Variants in ACTN1 observed in about 807,000 individuals in gnomAD.
ACTN1 encodes the protein actinin alpha 1, also known as alpha-actinin-1.
A neutral mutation model predicts 119.6 loss-of-function variants in ACTN1; 30 were observed. That is an observed-to-expected ratio of 0.25 (90% CI 0.19 to 0.34). The LOEUF (loss-of-function observed/expected upper bound fraction) is 0.34. Ranked by LOEUF, ACTN1 falls within the 10% of genes least tolerant of loss-of-function variation. The pLI is 1.00. For missense variants in ACTN1, 764 were observed against 1,223.4 expected (o/e 0.62, Z 5.60); for synonymous variants, 429 against 472.6 (o/e 0.91, Z 1.20).
intron 6 of ACTN1, among the ~76,000 whole-genome samples, chr14:68,905,900 T>C (rs2033634684): frequency 2.0e-5 from 3 of 151,740 alleles, no homozygotes; most frequent in Admixed American, 1.3e-4. Flanking sequence ...GGAGAATTGC[T>C]TGAACCCGGG....
chr14:68,931,896 G>C (rs1303599677), intron 1 of ACTN1, among the ~76,000 whole-genome samples: 1 of 152,080 alleles, frequency 6.6e-6, no homozygotes, highest in Non-Finnish European at 1.5e-5. Flanking sequence ...AAGGGCACTG[G>C]GGAAGGGATT....
At chr14:68,962,894 G>A (rs1401388790) in intron 1 of ACTN1, among the ~76,000 whole-genome samples, 1 of 152,170 alleles carries the variant, frequency 6.6e-6, no homozygotes, top group Admixed American at 6.5e-5. Flanking sequence ...GCCACGCACT[G>A]AGCAGGTCTC....
intron 2 of ACTN1, among the ~76,000 whole-genome samples, chr14:68,922,460 C>G (rs1355790119): frequency 1.3e-5 from 2 of 152,242 alleles, no homozygotes; most frequent in Non-Finnish European, 2.9e-5. Context: ...TATTTCCTGT[C>G]CGGGGGGAGA....
At chr14:68,977,671 T>C (rs2037105180) in intron 1 of ACTN1, 1 of 285,976 alleles carries the variant, frequency 3.5e-6, no homozygotes, top group Non-Finnish European at 6.9e-6. Context: ...AAAAAAAAAC[T>C]TCAGTCGGCT....
chr14:68,903,559 T>A (rs888406131), intron 7 of ACTN1, among the ~76,000 whole-genome samples: 1 of 147,502 alleles, frequency 6.8e-6, no homozygotes, highest in South Asian at 2.1e-4. Flanking sequence ...AAGCCACTGG[T>A]GGGGCAGAGG....
chr14:68,934,737 T>A (rs1019536159), intron 1 of ACTN1, among the ~76,000 whole-genome samples: 2 of 152,244 alleles, frequency 1.3e-5, no homozygotes, highest in Middle Eastern at 3.2e-3. Flanking sequence ...TTAAGTATAT[T>A]AGGCTTCATC....
intron 1 of ACTN1, among the ~76,000 whole-genome samples, chr14:68,957,558 T>C (rs1357646643): frequency 6.6e-6 from 1 of 152,260 alleles, no homozygotes; most frequent in Admixed American, 6.5e-5. Flanking sequence ...CCTCGCTCTC[T>C]ATTTGAGGTC....
At chr14:68,921,248 CGT>C in intron 2 of ACTN1, 123 bp from the exon 3 acceptor site, 19 of 1,285,864 alleles carry the variant, frequency 1.5e-5, no homozygotes, top group South Asian at 3.0e-5. Flanking sequence ...CATGTGTGCA[CGT>C]GTGTGTGTGC....
chr14:68,920,310 T>C (rs1262972368), intron 3 of ACTN1, among the ~76,000 whole-genome samples: 1 of 152,194 alleles, frequency 6.6e-6, no homozygotes, highest in Non-Finnish European at 1.5e-5. Context: ...TTTAGGTCTC[T>C]GACATCACGC....
rs1046781673 is a variant in ACTN1 at position 68,882,387 on chromosome 14, C to T, written c.1953+71G>A. 16 of 1,561,750 alleles carry T rather than the reference C, an allele frequency of 1.0e-5. No homozygotes were observed. In the African/African-American group the frequency reaches 2.2e-4, roughly 21 times the overall value. ...GGGTCCCACCCAGGGAGACAGGCAG[C>T]CTGGCTGGCTAGGATAGTGTCGGGG... is the stretch of plus-strand genomic sequence containing the variant. On this transcript the variant is annotated intron_variant, in intron 16 of 21. Coordinates refer to ENST00000394419, the MANE Select transcript of ACTN1 (RefSeq NM_001130004.2). This position sits in a 1 kb window ranked among gnomAD's most constrained non-coding sequence, Gnocchi z 4.5.
chr14:68,965,494 G>A (rs1167592921), intron 1 of ACTN1, among the ~76,000 whole-genome samples: 1 of 152,222 alleles, frequency 6.6e-6, no homozygotes, highest in Non-Finnish European at 1.5e-5. Flanking sequence ...CTACACAAAG[G>A]ACCAATTATG....
chr14:68,877,372 G>T, intron 20 of ACTN1, 132 bp from the exon 21 acceptor site: 1 of 1,157,148 alleles, frequency 8.6e-7, no homozygotes, highest in Non-Finnish European at 1.2e-6. Flanking sequence ...GACCTAACCT[G>T]GGTTGTCCTA....
chr14:68,953,348 T>C (rs2036234125), intron 1 of ACTN1, among the ~76,000 whole-genome samples: 1 of 152,042 alleles, frequency 6.6e-6, no homozygotes, highest in Non-Finnish European at 1.5e-5. Flanking sequence ...CTCCCTACCC[T>C]CAGCCTCCAT....
Position 68,882,083 on chromosome 14 carries a change from G to A in ACTN1, c.1953+375C>T, listed in dbSNP as rs973106032. Reference sequence around the variant, plus strand: ...CCCAAGTAGCTGGGATTATAGGCACGCATCATCACACCCGGCTGATTTTTG... The same window carrying A: ...CCCAAGTAGCTGGGATTATAGGCACACATCATCACACCCGGCTGATTTTTG... On this transcript the variant is annotated intron_variant, in intron 16 of 21. Coordinates refer to ENST00000394419, the MANE Select transcript of ACTN1 (RefSeq NM_001130004.2). The surrounding 1 kb of genome is among the most constrained non-coding windows in gnomAD (Gnocchi z 4.5). Among the ~76,000 whole-genome samples the A allele has an allele frequency of 4.0e-5, 6 of 151,860 alleles. No homozygotes were observed. Among genetic ancestry groups the A allele is most frequent in the African/African-American group, 9.7e-5 (4 of 41,324 alleles).
In ACTN1 at chr14:68,909,729, GCAT is replaced by G. The variant is rs1287122820; in HGVS notation, c.515+223_515+225del. Among the ~76,000 whole-genome samples the G allele has an allele frequency of 6.6e-6, 1 of 152,208 alleles. No individual in the cohort carries two copies. The highest frequency in any genetic ancestry group is 1.9e-4 in the East Asian group (1 of 5,192). On this transcript the variant is annotated intron_variant, in intron 5 of 21. Coordinates refer to ENST00000394419, the MANE Select transcript of ACTN1 (RefSeq NM_001130004.2). This position sits in a 1 kb window ranked among gnomAD's most constrained non-coding sequence, Gnocchi z 4.1. ...CTTGGGGGCGCTCCCAGTAGCAAAA[GCAT>G]CAACCAAAGTTATATCAGGCAGCAG...
At chr14:68,904,289 A>T (rs1350948638) in intron 7 of ACTN1, among the ~76,000 whole-genome samples, 1 of 152,156 alleles carries the variant, frequency 6.6e-6, no homozygotes, top group African/African-American at 2.4e-5. Context: ...TCAGAGGGTG[A>T]GGACAGTGCA....
intron 10 of ACTN1, among the ~76,000 whole-genome samples, chr14:68,891,014 C>T (rs1313626191): frequency 6.6e-6 from 1 of 152,224 alleles, no homozygotes; most frequent in East Asian, 1.9e-4. Flanking sequence ...AGCAGTGGCT[C>T]TGGCCACCTA....
At chr14:68,937,137 C>T (rs1042659789) in intron 1 of ACTN1, among the ~76,000 whole-genome samples, 1 of 152,072 alleles carries the variant, frequency 6.6e-6, no homozygotes, top group Non-Finnish European at 1.5e-5. Flanking sequence ...TCACCCCCAC[C>T]CTCACTTGCA....
At position 68,885,908 on chromosome 14, in the gene ACTN1, GA is replaced by G. The variant is rs1016387943; in HGVS notation, c.1235-334del. 9.8e-5 allele frequency: 22 copies of G among 224,762 alleles called. No individual in the cohort carries two copies. Among genetic ancestry groups the G allele is most frequent in the Admixed American group, 8.5e-4 (17 of 20,014 alleles). 13.9% of individuals were successfully genotyped at this position (224,762 alleles called of 1,614,324 possible). A position where few individuals can be genotyped will look rare whatever the true frequency, so the allele number is the denominator to read the frequency against. ...CATCCACACCCTCTGGTATAACCAG[GA>G]AAAAAACAACCCAAGCACCTCAGGA... On this transcript the variant is annotated intron_variant, in intron 11 of 21. Transcript: ENST00000394419. This position sits in a 1 kb window ranked among gnomAD's most constrained non-coding sequence, Gnocchi z 5.6.
Sources: gnomAD v4.1 joint callset for allele counts (sites outside exome capture counted in the v4.1 genomes callset) on GRCh38, gnomAD v4.1.1 for gene constraint, Gnocchi (gnomAD v3.1) non-coding constraint, MANE v1.5 for transcripts, NCBI Gene and HGNC (gene_info 2026-07-23, HGNC 2026-07-21) for gene names.